GAB1: variants seen among roughly 807,000 people sequenced by gnomAD.
The protein encoded by GAB1 is GRB2 associated binding protein 1.
Under a neutral mutation model 66.5 loss-of-function variants are expected in GAB1, and 19 were observed. The ratio of observed to expected loss-of-function variants is 0.29; its 90% CI spans 0.20 to 0.42. The LOEUF is 0.42. Ranked by LOEUF, GAB1 falls within the 10% of genes least tolerant of loss-of-function variation. The probability of loss-of-function intolerance (pLI) is 1.00; values close to 1 mark genes in which losing one functional copy is unlikely to be tolerated. For missense variants in GAB1, 732 were observed against 858.5 expected (o/e 0.85, Z 1.84); for synonymous variants, 294 against 301.4 (o/e 0.98, Z 0.25).
At chr4:143,341,004 G>A (rs1266882296) in intron 1 of GAB1, among the ~76,000 whole-genome samples, 1 of 152,238 alleles carries the variant, frequency 6.6e-6, no homozygotes, top group Non-Finnish European at 1.5e-5. Context: ...GTCAAGAGTA[G>A]TCAGCAGATT....
At chr4:143,375,099 C>T (rs2149671042) in intron 1 of GAB1, among the ~76,000 whole-genome samples, 1 of 152,294 alleles carries the variant, frequency 6.6e-6, no homozygotes, top group South Asian at 2.1e-4. Flanking sequence ...AGGTGCCCGC[C>T]ACAACGCCTG....
intron 8 of GAB1, among the ~76,000 whole-genome samples, chr4:143,460,972 A>G (rs1301791090): frequency 6.6e-6 from 1 of 152,180 alleles, no homozygotes; most frequent in Admixed American, 6.5e-5. Context: ...TCTTATAAGT[A>G]AGTAATATAC....
rs1166820399 is a variant in GAB1 at position 143,472,886 on chromosome 4, AAACTG to A, written c.*3702_*3706del. On this transcript the variant is annotated 3_prime_UTR_variant, in exon 10 of 10. Transcript: ENST00000262994. ...CACATTTATATATATATAATTTTAA[AAACTG>A]AACTATGAGAAGCCATGGTATAAAT... 2.6e-5 allele frequency: 4 copies of A among 152,342 alleles called. No individual in the cohort carries two copies. The highest frequency in any genetic ancestry group is 4.4e-5 in the Non-Finnish European group (3 of 68,030). 9.4% of individuals were successfully genotyped at this position (152,342 alleles called of 1,614,324 possible).
intron 1 of GAB1, among the ~76,000 whole-genome samples, chr4:143,342,584 G>A (rs1411800802): frequency 2.7e-5 from 3 of 110,426 alleles, no homozygotes; most frequent in Non-Finnish European, 5.0e-5. Flanking sequence ...ATGGAGTTTC[G>A]CTCTTGTCCA....
chr4:143,427,027 A>C (rs1733394120), intron 2 of GAB1, among the ~76,000 whole-genome samples: 1 of 152,206 alleles, frequency 6.6e-6, no homozygotes, highest in Non-Finnish European at 1.5e-5. Context: ...GAACACAGAC[A>C]CATTGAAGGG....
chr4:143,373,024 A>T (rs993689109), intron 1 of GAB1, among the ~76,000 whole-genome samples: 5 of 148,124 alleles, frequency 3.4e-5, no homozygotes, highest in African/African-American at 1.3e-4. Context: ...AACGCATCTG[A>T]GGATTGAATT....
At chr4:143,432,331 A>G (rs1733701041) in intron 2 of GAB1, among the ~76,000 whole-genome samples, 1 of 152,204 alleles carries the variant, frequency 6.6e-6, no homozygotes, top group South Asian at 2.1e-4. Flanking sequence ...ACCCTTTCTC[A>G]TGCCCCACAT....
chr4:143,457,275 A>G (rs1202111754), intron 6 of GAB1, among the ~76,000 whole-genome samples: 1 of 152,236 alleles, frequency 6.6e-6, no homozygotes, highest in African/African-American at 2.4e-5. Context: ...GAAAAGAAAG[A>G]TGTAATTGAG....
chr4:143,338,243 T>C (rs1378261348), intron 1 of GAB1, among the ~76,000 whole-genome samples: 1 of 152,204 alleles, frequency 6.6e-6, no homozygotes, highest in African/African-American at 2.4e-5. Context: ...AGGAAAGAAA[T>C]GACACTTTTG....
At chr4:143,459,539 A>C in intron 7 of GAB1, 61 bp downstream of exon 7, 1 of 953,382 alleles carries the variant, frequency 1.0e-6, no homozygotes, top group Non-Finnish European at 1.7e-6. Flanking sequence ...AGAATTGTTC[A>C]TTATCATGGA....
chr4:143,361,001 T>C (rs1490223658), intron 1 of GAB1, among the ~76,000 whole-genome samples: 1 of 152,190 alleles, frequency 6.6e-6, no homozygotes, highest in African/African-American at 2.4e-5. Context: ...CAAGACATAT[T>C]TTTGCTATCA....
At chr4:143,375,784 T>C (rs1730389103) in intron 1 of GAB1, among the ~76,000 whole-genome samples, 1 of 152,148 alleles carries the variant, frequency 6.6e-6, no homozygotes, top group South Asian at 2.1e-4. Flanking sequence ...TGATTGTTTG[T>C]TGTGTGGCCT....
intron 1 of GAB1, among the ~76,000 whole-genome samples, chr4:143,407,824 T>C (rs764861018): frequency 1.3e-5 from 2 of 152,222 alleles, no homozygotes; most frequent in African/African-American, 4.8e-5. Flanking sequence ...CCCTGCTTCA[T>C]GGTTAATTTG....
At chr4:143,460,520 C>T (rs1388398275) in intron 8 of GAB1, 33 bp downstream of exon 8, 17 of 1,602,452 alleles carry the variant, frequency 1.1e-5, no homozygotes, top group Non-Finnish European at 1.5e-5. Flanking sequence ...CCTTTCTGAG[C>T]AGCCCTTTTC....
chr4:143,371,119 G>A (rs558303124), intron 1 of GAB1, among the ~76,000 whole-genome samples: 10 of 152,006 alleles, frequency 6.6e-5, no homozygotes, highest in African/African-American at 1.2e-4. Flanking sequence ...CTGAGGAATC[G>A]CCACACTGAC....
intron 6 of GAB1, 84 bp downstream of exon 6, chr4:143,440,466 T>G: frequency 7.7e-7 from 1 of 1,298,636 alleles, no homozygotes; most frequent in Non-Finnish European, 1.0e-6. Context: ...AAAATAGAAT[T>G]TGGACTAGAA....
chr4:143,434,186 G>GT, intron 3 of GAB1: 1 of 1,228,008 alleles, frequency 8.1e-7, no homozygotes, highest in Non-Finnish European at 1.1e-6. Flanking sequence ...TGTTGTGGTG[G>GT]TTTTGGATCT....
At chr4:143,377,147 C>G (rs1730456803) in intron 1 of GAB1, among the ~76,000 whole-genome samples, 1 of 150,950 alleles carries the variant, frequency 6.6e-6, no homozygotes, top group Non-Finnish European at 1.5e-5. Flanking sequence ...TCAATACAGT[C>G]ACATCTGAAT....
rs1313337431 is a variant in GAB1 at position 143,425,414 on chromosome 4, A to T, written c.368-8077A>T. On this transcript the variant is annotated intron_variant, in intron 2 of 9. Transcript: ENST00000262994. Reference sequence around the variant, plus strand: ...CTGGGAGCCATGGCTTCTTGTGGTTACTGACCCCAGGGCTGAAGACCAGCC... The same window carrying T: ...CTGGGAGCCATGGCTTCTTGTGGTTTCTGACCCCAGGGCTGAAGACCAGCC... The T allele has an allele frequency of 4.0e-6, 3 of 759,272 alleles. No homozygotes were observed. In the East Asian group the frequency reaches 7.3e-5, roughly 18 times the overall value. 47.0% of individuals were successfully genotyped at this position (759,272 alleles called of 1,614,324 possible).
Sources: allele counts gnomAD v4.1 joint callset (sites outside exome capture counted in the v4.1 genomes callset), GRCh38; gene constraint gnomAD v4.1.1; transcripts MANE v1.5; gene names NCBI Gene and HGNC (gene_info 2026-07-23, HGNC 2026-07-21).